Variants in ATXN1 observed in about 807,000 individuals in gnomAD.
ATXN1 encodes the protein ataxin 1.
Under a neutral mutation model 56.4 loss-of-function variants are expected in ATXN1, and 8 were observed. The observed-to-expected ratio is 0.14, with a 90% CI of 0.08 to 0.26. ATXN1 has a LOEUF of 0.26. Ranked by LOEUF, ATXN1 falls within the 10% of genes least tolerant of loss-of-function variation. The pLI, the probability that ATXN1 is intolerant of heterozygous loss-of-function variation, is 1.00. For synonymous variants in ATXN1, 514 were observed against 494.6 expected, an observed-to-expected ratio of 1.04 and a Z score of -0.52; for missense variants, 987 against 1,106.5, an observed-to-expected ratio of 0.89 and a Z score of 1.53.
intron 6 of ATXN1, among the ~76,000 whole-genome samples, chr6:16,457,861 T>C (rs1260403325): frequency 2.6e-5 from 4 of 152,090 alleles, no homozygotes; most frequent in Non-Finnish European, 5.9e-5. Flanking sequence ...ACCAAACCCC[T>C]CAGGCTATCA....
chr6:16,595,896 G>A (rs1259799172), intron 3 of ATXN1, among the ~76,000 whole-genome samples: 11 of 152,164 alleles, frequency 7.2e-5, no homozygotes, highest in Non-Finnish European at 1.6e-4. Flanking sequence ...CAGTGGTGGT[G>A]CCTTCTCGTT....
intron 6 of ATXN1, among the ~76,000 whole-genome samples, chr6:16,476,984 G>A (rs1760338256): frequency 6.6e-6 from 1 of 152,184 alleles, no homozygotes; most frequent in Non-Finnish European, 1.5e-5. Flanking sequence ...AAATGACAAC[G>A]GTCATTGAGA....
chr6:16,352,227 C>G lies in ATXN1; in HGVS notation c.-160-23757G>C, dbSNP rs555743930. ...AATAAGGCAGTGACTGAGTCTCAAT[C>G]TATAACGTTTCCAACGTAGAAGATA... On this transcript the variant is annotated intron_variant, in intron 6 of 7. Coordinates refer to ENST00000436367, the MANE Select transcript of ATXN1 (RefSeq NM_001128164.2). Among the ~76,000 whole-genome samples the G allele has an allele frequency of 2.6e-5, 4 of 152,292 alleles. No homozygotes were observed. The South Asian group carries it at 8.3e-4, about 32-fold the overall frequency.
At chr6:16,719,690 A>T (rs573395796) in intron 2 of ATXN1, among the ~76,000 whole-genome samples, 4 of 152,284 alleles carry the variant, frequency 2.6e-5, no homozygotes, top group Admixed American at 1.3e-4. Context: ...CATAAATGTC[A>T]TGGATTTCCC....
At chr6:16,486,356 G>A (rs1760544498) in intron 5 of ATXN1, among the ~76,000 whole-genome samples, 1 of 152,146 alleles carries the variant, frequency 6.6e-6, no homozygotes, top group Admixed American at 6.6e-5. Context: ...TCTTAGCTGA[G>A]ATGCAAACTT....
chr6:16,316,107 T>C (rs1456575174), intron 7 of ATXN1, among the ~76,000 whole-genome samples: 1 of 152,224 alleles, frequency 6.6e-6, no homozygotes, highest in Non-Finnish European at 1.5e-5. Context: ...CTCCGCCTCC[T>C]GTCAGATCAG....
chr6:16,325,168 AG>A (rs1318159711), intron 7 of ATXN1, among the ~76,000 whole-genome samples: 1 of 150,210 alleles, frequency 6.7e-6, no homozygotes, highest in Non-Finnish European at 1.5e-5. Flanking sequence ...CCAAGGCTGG[AG>A]TGCAGTGGCC....
chr6:16,425,275 C>T (rs1581753338), intron 6 of ATXN1, among the ~76,000 whole-genome samples: 4 of 152,244 alleles, frequency 2.6e-5, no homozygotes, highest in African/African-American at 9.6e-5. Context: ...CACTGTGCCA[C>T]GTTGTTTACC....
rs766251655 is a variant in ATXN1, at chr6:16,301,035, A to G, written c.*5294T>C. The G allele has an allele frequency of 2.0e-5, 3 of 152,550 alleles. No individual in the cohort carries two copies. The highest frequency in any genetic ancestry group is 6.6e-5 in the Admixed American group (1 of 15,260). The allele number at this position is 152,550 out of a possible 1,614,324, so 9.4% of individuals were successfully genotyped here. On this transcript the variant is annotated 3_prime_UTR_variant, in exon 8 of 8. Transcript: ENST00000436367. ...ACCATACAAATCTGATCATTTAGAC[A>G]TGACAAATTTCTATATACAAAAAAA...
intron 6 of ATXN1, among the ~76,000 whole-genome samples, chr6:16,360,873 T>C (rs1761793414): frequency 6.6e-6 from 1 of 152,184 alleles, no homozygotes; most frequent in Non-Finnish European, 1.5e-5. Context: ...CTGGGGTCTT[T>C]CCCTGTATTC....
intron 6 of ATXN1, among the ~76,000 whole-genome samples, chr6:16,332,698 G>C (rs1299260356): frequency 6.6e-6 from 1 of 152,220 alleles, no homozygotes; most frequent in East Asian, 1.9e-4. Context: ...CAAGACAAAT[G>C]TATTTAGAGT....
chr6:16,416,441 T>C (rs182780432), intron 6 of ATXN1, among the ~76,000 whole-genome samples: 198 of 152,310 alleles, frequency 1.3e-3, no homozygotes, highest in Middle Eastern at 0.01. Context: ...GCTATAACCA[T>C]GGAGCACACA....
chr6:16,404,687 C>T (rs1286870688), intron 6 of ATXN1, among the ~76,000 whole-genome samples: 3 of 131,988 alleles, frequency 2.3e-5, no homozygotes, highest in African/African-American at 3.8e-5. Flanking sequence ...CGCACATGCA[C>T]GCGCACTCGC....
At chr6:16,674,595 G>C (rs1280638662) in intron 2 of ATXN1, among the ~76,000 whole-genome samples, 8 of 150,736 alleles carry the variant, frequency 5.3e-5, no homozygotes, top group African/African-American at 9.8e-5. Flanking sequence ...CTCACCTCAT[G>C]ATCTGCCCAC....
chr6:16,427,578 T>C (rs1759184027), intron 6 of ATXN1, among the ~76,000 whole-genome samples: 1 of 152,160 alleles, frequency 6.6e-6, no homozygotes, highest in Non-Finnish European at 1.5e-5. Context: ...TTTCCACACT[T>C]TCATTTGCCT....
chr6:16,610,708 G>A (rs1439686890), intron 3 of ATXN1, among the ~76,000 whole-genome samples: 1 of 152,132 alleles, frequency 6.6e-6, no homozygotes, highest in Non-Finnish European at 1.5e-5. Flanking sequence ...AAAAGGGGTA[G>A]TTGTGCTTTA....
intron 2 of ATXN1, among the ~76,000 whole-genome samples, chr6:16,687,571 G>A (rs1456963650): frequency 1.3e-5 from 2 of 149,614 alleles, no homozygotes; most frequent in Admixed American, 6.7e-5. Flanking sequence ...GTTTAGAAAC[G>A]GATTTAGAAT....
Position 16,328,533 on chromosome 6 carries a change from A to C in ATXN1, c.-160-63T>G, listed in dbSNP as rs567264290. On this transcript the variant is annotated intron_variant, in intron 6 of 7. Transcript: ENST00000436367. The surrounding 1 kb of genome is among the most constrained non-coding windows in gnomAD (Gnocchi z 6.2). ...AAAGGGAGGAGAAAGGGAAGGAGGG[A>C]AAGGACATCAGAACATGAGCACCGG... 6 of 756,164 alleles carry C rather than the reference A, an allele frequency of 7.9e-6. No individual in the cohort carries two copies. In the African/African-American group the frequency reaches 1.1e-4, roughly 13 times the overall value. 46.8% of individuals were successfully genotyped at this position (756,164 alleles called of 1,614,324 possible).
At chr6:16,421,333 AG>A in intron 6 of ATXN1, among the ~76,000 whole-genome samples, 1 of 148,186 alleles carries the variant, frequency 6.7e-6, no homozygotes, top group South Asian at 2.1e-4. Context: ...AACAGTAGAA[AG>A]GACACAGGAA....
Sources: allele counts gnomAD v4.1 joint callset (sites outside exome capture counted in the v4.1 genomes callset), GRCh38; gene constraint gnomAD v4.1.1; non-coding constraint Gnocchi (gnomAD v3.1); transcripts MANE v1.5; gene names NCBI Gene and HGNC (gene_info 2026-07-23, HGNC 2026-07-21).